The following SUMF1 variants were observed in gnomAD, a reference collection of about 807,000 sequenced individuals.
SUMF1 encodes formylglycine-generating enzyme.
A neutral mutation model predicts 47.6 loss-of-function variants in SUMF1; 48 were observed. That is an observed-to-expected ratio of 1.01 (90% CI 0.80 to 1.28). SUMF1 has a LOEUF of 1.28. Among genes scored for constraint, SUMF1 ranks in the 50% most tolerant of loss-of-function variants. SUMF1 has a pLI of 0.00. For missense variants in SUMF1, 571 were observed against 485.4 expected (o/e 1.18, Z -1.66); for synonymous variants, 230 against 192.1 (o/e 1.20, Z -1.63).
chr3:4,069,695 G>C (rs1695472730), intron 8 of SUMF1, among the ~76,000 whole-genome samples: 1 of 152,074 alleles, frequency 6.6e-6, no homozygotes, highest in African/African-American at 2.4e-5. Context: ...GGTCTAGGGG[G>C]TCATGCTCTA....
intron 8 of SUMF1, among the ~76,000 whole-genome samples, chr3:4,232,418 G>A (rs759048241): frequency 1.3e-5 from 2 of 152,038 alleles, no homozygotes; most frequent in Non-Finnish European, 2.9e-5. Flanking sequence ...GACTGCCAGG[G>A]TTCATCACGT....
At chr3:4,104,595 C>T (rs1304030832) in intron 8 of SUMF1, among the ~76,000 whole-genome samples, 1 of 151,976 alleles carries the variant, frequency 6.6e-6, no homozygotes, top group Non-Finnish European at 1.5e-5. Flanking sequence ...GATACCCACC[C>T]TGCTGGGCCA....
At chr3:4,111,843 A>T (rs977010740) in intron 8 of SUMF1, among the ~76,000 whole-genome samples, 2 of 152,164 alleles carry the variant, frequency 1.3e-5, no homozygotes, top group Non-Finnish European at 2.9e-5. Context: ...AATGGCAAAA[A>T]AAATTTGAAG....
chr3:4,266,103 A>G (rs1697189024), intron 8 of SUMF1, among the ~76,000 whole-genome samples: 1 of 152,168 alleles, frequency 6.6e-6, no homozygotes, highest in Non-Finnish European at 1.5e-5. Flanking sequence ...CTGTTTTGAT[A>G]CCAGTACCAT....
At chr3:4,244,782 G>A (rs777001612) in intron 8 of SUMF1, among the ~76,000 whole-genome samples, 95 of 151,776 alleles carry the variant, frequency 6.3e-4, no homozygotes, top group Non-Finnish European at 1.1e-3. Context: ...CTCTGAATTT[G>A]AATGTTGGCC....
intron 3 of SUMF1, among the ~76,000 whole-genome samples, chr3:4,441,761 T>C (rs1040262085): frequency 6.6e-6 from 1 of 152,212 alleles, no homozygotes; most frequent in African/African-American, 2.4e-5. Flanking sequence ...GTTTAAGATA[T>C]TTTTACACAC....
At chr3:4,237,871 G>A (rs1205193150) in intron 8 of SUMF1, among the ~76,000 whole-genome samples, 2 of 152,106 alleles carry the variant, frequency 1.3e-5, no homozygotes, top group African/African-American at 2.4e-5. Context: ...ATGGTGATTT[G>A]CTGCACCCAT....
chr3:4,039,142 T>A (rs1054344812), intron 9 of SUMF1, among the ~76,000 whole-genome samples: 1 of 146,360 alleles, frequency 6.8e-6, no homozygotes, highest in South Asian at 2.3e-4. Context: ...ATTTAATATA[T>A]ATCATAATCC....
At chr3:4,399,584 T>C (rs960110735) in intron 7 of SUMF1, among the ~76,000 whole-genome samples, 1 of 152,106 alleles carries the variant, frequency 6.6e-6, no homozygotes, top group African/African-American at 2.4e-5. Flanking sequence ...GCTGAGACAG[T>C]GCGGGAACAT....
At position 4,313,165 on chromosome 3, in the gene SUMF1, C is replaced by G. The variant is rs200912932; in HGVS notation, c.1014+63165G>C. 8 of 1,613,990 alleles carry G rather than the reference C, an allele frequency of 5.0e-6. No individual in the cohort carries two copies. The East Asian group carries it at 1.8e-4, about 36-fold the overall frequency. On this transcript the variant is annotated intron_variant and NMD_transcript_variant, in intron 8 of 12. Coordinates refer to the SUMF1 transcript ENST00000448413. Reference sequence around the variant, plus strand: ...CCAGAAAGGTCTACAGTTCCACTTCCAAGTGTTCAAGACGCATAAAAAAGG... The same window carrying G: ...CCAGAAAGGTCTACAGTTCCACTTCGAAGTGTTCAAGACGCATAAAAAAGG...
At chr3:4,412,735 A>G (rs1406391930) in intron 6 of SUMF1, among the ~76,000 whole-genome samples, 3 of 152,066 alleles carry the variant, frequency 2.0e-5, no homozygotes, top group African/African-American at 7.2e-5. Context: ...AATACCAAAA[A>G]AATTAGCCAG....
intron 8 of SUMF1, among the ~76,000 whole-genome samples, chr3:4,295,862 GTTTT>G (rs1697839830): frequency 6.6e-6 from 1 of 151,958 alleles, no homozygotes; most frequent in African/African-American, 2.4e-5. Context: ...TTATCTTTAT[GTTTT>G]TTATCATATC....
intron 8 of SUMF1, among the ~76,000 whole-genome samples, chr3:4,355,906 C>G: frequency 6.6e-6 from 1 of 152,182 alleles, no homozygotes; most frequent in East Asian, 1.9e-4. Flanking sequence ...TGATCTGAAG[C>G]TGAAAAATTC....
chr3:4,343,823 C>A (rs1307597046), intron 8 of SUMF1, among the ~76,000 whole-genome samples: 1 of 152,168 alleles, frequency 6.6e-6, no homozygotes, highest in African/African-American at 2.4e-5. Context: ...ACAGAAATAT[C>A]TGCACAAATT....
At chr3:4,357,422 A>C (rs948413280), downstream of SUMF1, among the ~76,000 whole-genome samples, 7 of 152,050 alleles carry the variant, frequency 4.6e-5, no homozygotes, top group African/African-American at 1.7e-4. Flanking sequence ...AAAGGTGATT[A>C]GCAAGAGAAT....
chr3:4,102,342 T>C (rs536977544), intron 8 of SUMF1, among the ~76,000 whole-genome samples: 31 of 152,122 alleles, frequency 2.0e-4, no homozygotes, highest in Non-Finnish European at 4.3e-4. Flanking sequence ...AACAGGTTAG[T>C]GCCAAAATGG....
intron 8 of SUMF1, chr3:4,312,750 G>A: frequency 1.2e-6 from 1 of 842,916 alleles, no homozygotes; most frequent in Non-Finnish European, 1.7e-6. Context: ...GATGTTTTTG[G>A]ACAATATCTT....
intron 8 of SUMF1, among the ~76,000 whole-genome samples, chr3:4,104,324 T>C (rs1693106365): frequency 1.3e-5 from 2 of 152,086 alleles, no homozygotes; most frequent in African/African-American, 2.4e-5. Context: ...TCCCCAGTCA[T>C]GTGGAATTGT....
intron 7 of SUMF1, among the ~76,000 whole-genome samples, chr3:4,404,724 A>G (rs1575181296): frequency 6.6e-6 from 1 of 152,346 alleles, no homozygotes; most frequent in Non-Finnish European, 1.5e-5. Context: ...AGATAGTGCC[A>G]TTGCACTCCA....
Sources: gnomAD v4.1 joint callset for allele counts (sites outside exome capture counted in the v4.1 genomes callset) on GRCh38, gnomAD v4.1.1 for gene constraint, MANE v1.5 for transcripts, NCBI Gene and HGNC (gene_info 2026-07-23, HGNC 2026-07-21) for gene names.